The following PAQR5 variants were observed in gnomAD, a reference collection of about 807,000 sequenced individuals.
PAQR5 encodes progestin and adipoQ receptor family member 5.
Under a neutral mutation model 34.5 loss-of-function variants are expected in PAQR5, and 20 were observed. The ratio of observed to expected loss-of-function variants is 0.58; its 90% confidence interval spans 0.41 to 0.84. PAQR5 has a LOEUF of 0.84. Ranked by LOEUF, PAQR5 falls within the 40% of genes least tolerant of loss-of-function variation. PAQR5 has a pLI of 0.00. For missense variants in PAQR5, 378 were observed against 412.7 expected (o/e 0.92, Z 0.73); for synonymous variants, 131 against 155.6 (o/e 0.84, Z 1.18).
rs74020634 is a variant in PAQR5 at position 69,342,598 on chromosome 15, C to T, written c.-116+5097C>T. Among the ~76,000 whole-genome samples, 1,289 of 152,286 alleles carry T rather than the reference C, an allele frequency of 8.5e-3. 19 individuals carry two copies. Among genetic ancestry groups the T allele is most frequent in the African/African-American group, 0.029 (1,216 of 41,552 alleles). ...CTGGGGCCCCTGCTCCTAGGCTCTGCCTCCCTCCATCGTCCCCCAGGGTGC... is the reference window on the plus strand; with the variant it reads ...CTGGGGCCCCTGCTCCTAGGCTCTGTCTCCCTCCATCGTCCCCCAGGGTGC... On this transcript the variant is annotated intron_variant, in intron 2 of 8. Transcript: ENST00000395407.
Position 69,300,865 on chromosome 15 carries a change from CTTTCTTTCTTTCTTTCTTTCTTTCTTT to C in PAQR5, c.-277+1810_-277+1836del, listed in dbSNP as rs1566986265. On this transcript the variant is annotated intron_variant, in intron 1 of 8. Transcript: ENST00000395407. ...GTTTTCTTTCTTTCTTTCTTTCTTT[CTTTCTTTCTTTCTTTCTTTCTTTCTTT>C]CTTCCTTCCTTCCTTCCTTCCTTTC... is the stretch of plus-strand genomic sequence containing the variant. 1.9e-3 allele frequency among the ~76,000 whole-genome samples: 39 copies of C among 20,234 alleles called. 9 individuals are homozygous for C. Among genetic ancestry groups the C allele is most frequent in the African/African-American group, 4.8e-3 (34 of 7,016 alleles). 13.3% of individuals were successfully genotyped at this position (20,234 alleles called of 152,430 possible).
intron 1 of PAQR5, among the ~76,000 whole-genome samples, chr15:69,318,203 G>T (rs1219139781): frequency 6.6e-6 from 1 of 152,262 alleles, no homozygotes; most frequent in Non-Finnish European, 1.5e-5. Context: ...GAAGAGGGGT[G>T]CACTGGAGGC....
At chr15:69,343,082 C>T (rs1471070589) in intron 2 of PAQR5, among the ~76,000 whole-genome samples, 1 of 152,208 alleles carries the variant, frequency 6.6e-6, no homozygotes, top group Non-Finnish European at 1.5e-5. Flanking sequence ...ATCCAGACAT[C>T]CGGTGGTGAT....
intron 1 of PAQR5, among the ~76,000 whole-genome samples, chr15:69,324,825 G>T (rs2054208897): frequency 6.6e-6 from 1 of 151,696 alleles, no homozygotes; most frequent in Non-Finnish European, 1.5e-5. Context: ...GCCCTGTCCT[G>T]CTATACCCTC....
At chr15:69,396,801 G>C (rs568118959) in intron 6 of PAQR5, 98 of 268,550 alleles carry the variant, frequency 3.6e-4, no homozygotes, top group African/African-American at 2.1e-3. Context: ...TCTGTCTGGG[G>C]GGACCTGCCT....
rs756032826 is a variant in PAQR5, at chr15:69,379,455, C to T, written c.52-428C>T. The T allele has an allele frequency of 9.2e-5, 91 of 985,306 alleles. 1 individual carries two copies. Among genetic ancestry groups the T allele is most frequent in the Non-Finnish European group, 1.1e-4 (88 of 829,920 alleles). The allele number at this position is 985,306 out of a possible 1,614,324, so 61.0% of individuals were successfully genotyped here. A position where few individuals can be genotyped will look rare whatever the true frequency, so the allele number is the denominator to read the frequency against. ...ATCCTGGCACCGGGGGCATCTTCTG[C>T]AGAGTTCTTCCCACCAGCCCCTGAC... On this transcript the variant is annotated intron_variant, in intron 3 of 8. Transcript: ENST00000395407.
chr15:69,382,051 A>G lies in PAQR5; in HGVS notation c.179+2041A>G, dbSNP rs543962202. The stretch of plus-strand genomic sequence containing the variant: ...CTGCATAGAGATCTAGGCTCTGCTA[A>G]GAGTCAGCTGTGGGACTAGCTATTC... On this transcript the variant is annotated intron_variant, in intron 4 of 8. Coordinates refer to ENST00000395407, the MANE Select transcript of PAQR5 (RefSeq NM_017705.4). Among the ~76,000 whole-genome samples, 11 of 152,318 alleles carry G rather than the reference A, an allele frequency of 7.2e-5. No individual in the cohort carries two copies. The East Asian group carries it at 1.9e-3, about 27-fold the overall frequency.
At chr15:69,322,731 GAAGAAGAA>G (rs2054133042) in intron 1 of PAQR5, among the ~76,000 whole-genome samples, 1 of 30,096 alleles carries the variant, frequency 3.3e-5, no homozygotes, top group African/African-American at 9.5e-5. Flanking sequence ...AGAAGAAGAA[GAAGAAGAA>G]GAAGAAGAAG....
At chr15:69,324,410 G>T (rs1053779256) in intron 1 of PAQR5, among the ~76,000 whole-genome samples, 11 of 152,196 alleles carry the variant, frequency 7.2e-5, no homozygotes, top group Non-Finnish European at 1.5e-4. Context: ...CTTGTCATCT[G>T]GTAGATACCA....
At chr15:69,387,997 C>G (rs2056159196) in intron 5 of PAQR5, among the ~76,000 whole-genome samples, 1 of 152,224 alleles carries the variant, frequency 6.6e-6, no homozygotes. Context: ...ACAGAAGATG[C>G]TTCCAATCTG....
intron 8 of PAQR5, among the ~76,000 whole-genome samples, chr15:69,402,261 G>A (rs2056653789): frequency 6.6e-6 from 1 of 151,878 alleles, no homozygotes. Flanking sequence ...CTTTCCAACT[G>A]TCTTCACATG....
intron 1 of PAQR5, among the ~76,000 whole-genome samples, chr15:69,313,417 T>C (rs2053872821): frequency 6.6e-6 from 1 of 152,028 alleles, no homozygotes; most frequent in South Asian, 2.1e-4. Context: ...GAAGGATCAC[T>C]TGGGCCCAGG....
intron 2 of PAQR5, among the ~76,000 whole-genome samples, chr15:69,350,828 A>T (rs546155733): frequency 6.6e-6 from 1 of 152,208 alleles, no homozygotes; most frequent in African/African-American, 2.4e-5. Context: ...CACTACTGAA[A>T]ATTTATACTA....
intron 2 of PAQR5, among the ~76,000 whole-genome samples, chr15:69,357,023 T>A (rs80213950): frequency 0.051 from 7,805 of 152,084 alleles, 401 homozygotes; most frequent in African/African-American, 0.12. Flanking sequence ...AAGATCTGGT[T>A]GTTTAAAAGT....
intron 3 of PAQR5, among the ~76,000 whole-genome samples, chr15:69,369,604 G>T (rs540309693): frequency 1.3e-5 from 2 of 151,822 alleles, no homozygotes; most frequent in East Asian, 1.9e-4. Context: ...ACTTACCTGA[G>T]GGAACTACAA....
intron 1 of PAQR5, among the ~76,000 whole-genome samples, chr15:69,328,632 A>T (rs1009695430): frequency 1.2e-4 from 18 of 151,566 alleles, no homozygotes; most frequent in African/African-American, 3.6e-4. Context: ...GTTGCTCGGG[A>T]TGGGGGTGGG....
chr15:69,370,761 T>TC (rs1053972557), intron 3 of PAQR5, among the ~76,000 whole-genome samples: 14 of 152,170 alleles, frequency 9.2e-5, no homozygotes, highest in African/African-American at 3.4e-4. Flanking sequence ...CCTCAGGTGA[T>TC]CCACCCGCCT....
At chr15:69,327,120 G>T (rs2054271965) in intron 1 of PAQR5, among the ~76,000 whole-genome samples, 1 of 151,594 alleles carries the variant, frequency 6.6e-6, no homozygotes, top group Non-Finnish European at 1.5e-5. Flanking sequence ...TAGTAGCTGG[G>T]GCTACAGGCA....
At chr15:69,352,020 C>T (rs572565132) in intron 2 of PAQR5, among the ~76,000 whole-genome samples, 1 of 152,322 alleles carries the variant, frequency 6.6e-6, no homozygotes, top group East Asian at 1.9e-4. Flanking sequence ...CAGGAGAAGG[C>T]TCTGCAACAG....
Sources: allele counts gnomAD v4.1 joint callset (sites outside exome capture counted in the v4.1 genomes callset), GRCh38; gene constraint gnomAD v4.1.1; transcripts MANE v1.5; gene names NCBI Gene and HGNC (gene_info 2026-07-23, HGNC 2026-07-21).